Variants in VRK3 observed in about 807,000 individuals in gnomAD.
VRK3 encodes serine/threonine-protein kinase VRK3.
A neutral mutation model predicts 60.4 loss-of-function variants in VRK3; 50 were observed. The observed-to-expected ratio is 0.83, with a 90% CI of 0.66 to 1.05. VRK3 has a LOEUF of 1.05. Ranked by LOEUF, VRK3 falls within the 50% of genes least tolerant of loss-of-function variation. The pLI, the probability that VRK3 is intolerant of heterozygous loss-of-function variation, is 0.00. For missense variants in VRK3, 549 were observed against 585.3 expected (o/e 0.94, Z 0.64); for synonymous variants, 246 against 227.8 (o/e 1.08, Z -0.72).
intron 1 of VRK3, chr19:50,025,037 C>T (rs1485217780): frequency 6.6e-6 from 1 of 152,258 alleles, no homozygotes; most frequent in Non-Finnish European, 1.5e-5. Context: ...GAACTTCCCA[C>T]AAGTTCCGCC....
At chr19:50,024,995 T>TA (rs1229950250) in intron 1 of VRK3, 4 of 152,184 alleles carry the variant, frequency 2.6e-5, no homozygotes, top group African/African-American at 9.7e-5. Context: ...CGGGATGACT[T>TA]AGACGCCAAG....
chr19:49,997,410 C>T (rs1600683094), intron 7 of VRK3, 94 bp downstream of exon 7: 1 of 1,408,732 alleles, frequency 7.1e-7, no homozygotes, highest in Non-Finnish European at 9.8e-7. Flanking sequence ...AATCTAAGCC[C>T]ACCCTTCTCA....
At chr19:49,981,831 C>A (rs957867752) in intron 12 of VRK3, 1 of 1,186,980 alleles carries the variant, frequency 8.4e-7, no homozygotes, top group Non-Finnish European at 1.1e-6. Context: ...GGTCAGGGAG[C>A]TCGTGGCTGT....
At chr19:49,993,809 C>T (rs2076653786) in intron 9 of VRK3, among the ~76,000 whole-genome samples, 1 of 152,132 alleles carries the variant, frequency 6.6e-6, no homozygotes, top group Non-Finnish European at 1.5e-5. Flanking sequence ...CGTTCTCCTC[C>T]TATAGACTCT....
chr19:49,981,040 G>C, intron 12 of VRK3, 27 bp from the exon 13 acceptor site: 1 of 1,608,130 alleles, frequency 6.2e-7, no homozygotes, highest in Non-Finnish European at 8.5e-7. Flanking sequence ...ACATGTGAAA[G>C]GTCTCTTAGG....
chr19:49,980,747 CA>C (rs976399888), intron 13 of VRK3, among the ~76,000 whole-genome samples: 4 of 150,528 alleles, frequency 2.7e-5, no homozygotes, highest in African/African-American at 9.9e-5. Flanking sequence ...ACCCTGTCTT[CA>C]AAAAAAAGTT....
intron 3 of VRK3, among the ~76,000 whole-genome samples, chr19:50,009,758 C>A (rs763332061): frequency 5.0e-4 from 76 of 152,102 alleles, no homozygotes; most frequent in Non-Finnish European, 9.9e-4. Flanking sequence ...CTCAGCCTCC[C>A]AAGTAGCTAG....
At chr19:50,022,024 T>C (rs1192634541) in intron 1 of VRK3, among the ~76,000 whole-genome samples, 1 of 152,144 alleles carries the variant, frequency 6.6e-6, no homozygotes, top group African/African-American at 2.4e-5. Context: ...CTCCACTCTA[T>C]GAGGTAGGGA....
intron 3 of VRK3, among the ~76,000 whole-genome samples, chr19:50,014,845 A>G (rs1265078488): frequency 2.0e-5 from 3 of 152,160 alleles, no homozygotes; most frequent in Non-Finnish European, 4.4e-5. Context: ...CTGTATTCAC[A>G]GGATCTCTCT....
At chr19:49,979,639 C>T (rs898231054) in intron 13 of VRK3, among the ~76,000 whole-genome samples, 1 of 152,198 alleles carries the variant, frequency 6.6e-6, no homozygotes, top group African/African-American at 2.4e-5. Context: ...TTCACCTCCA[C>T]CTCCAACCTC....
At chr19:50,009,132 G>T in intron 4 of VRK3, 104 bp downstream of exon 4, 2 of 1,345,896 alleles carry the variant, frequency 1.5e-6, no homozygotes, top group Non-Finnish European at 2.1e-6. Context: ...AGGCAGGGAT[G>T]GATGATGTTT....
chr19:50,005,625 G>A (rs972857068), intron 5 of VRK3, among the ~76,000 whole-genome samples: 4 of 149,868 alleles, frequency 2.7e-5, no homozygotes, highest in South Asian at 2.1e-4. Flanking sequence ...CTACCCAAAC[G>A]CCCATCAGCT....
At chr19:50,010,625 C>A (rs10422826) in intron 3 of VRK3, among the ~76,000 whole-genome samples, 7,991 of 152,226 alleles carry the variant, frequency 0.052, 692 homozygotes, top group African/African-American at 0.18. Context: ...AGGAACTCTC[C>A]AAGAAGGCTG....
chr19:49,988,539 C>G, intron 11 of VRK3, 47 bp from the exon 12 acceptor site: 1 of 1,599,084 alleles, frequency 6.3e-7, no homozygotes, highest in Non-Finnish European at 8.5e-7. Context: ...GGACGCTCCA[C>G]TCACTGGTGG....
intron 8 of VRK3, 62 bp downstream of exon 8, chr19:49,995,129 G>C: frequency 1.3e-6 from 2 of 1,553,754 alleles, no homozygotes; most frequent in Non-Finnish European, 1.8e-6. Flanking sequence ...GCCATGCCTG[G>C]AGTCACAACA....
chr19:50,023,340 C>A (rs1164881163), intron 1 of VRK3, among the ~76,000 whole-genome samples: 1 of 152,190 alleles, frequency 6.6e-6, no homozygotes, highest in African/African-American at 2.4e-5. Flanking sequence ...TGCGTGTCAC[C>A]ACGCCTGGCT....
At chr19:50,017,002 C>T (rs1285747717) in intron 2 of VRK3, among the ~76,000 whole-genome samples, 2 of 142,292 alleles carry the variant, frequency 1.4e-5, no homozygotes, top group African/African-American at 6.2e-5. Context: ...CCAGTCTGTC[C>T]AACATGGTGA....
chr19:50,018,660 T>A (rs1201618255), intron 2 of VRK3, among the ~76,000 whole-genome samples: 1 of 152,220 alleles, frequency 6.6e-6, no homozygotes, highest in East Asian at 1.9e-4. Flanking sequence ...CCAGACTAAC[T>A]TAGTGATTTG....
chr19:50,000,444 C>T, intron 6 of VRK3: 1 of 348,006 alleles, frequency 2.9e-6, no homozygotes, highest in Non-Finnish European at 5.4e-6. Context: ...TCGATACGAG[C>T]ACGCTGCGAG....
Sources: allele counts gnomAD v4.1 joint callset (sites outside exome capture counted in the v4.1 genomes callset), GRCh38; gene constraint gnomAD v4.1.1; transcripts MANE v1.5; gene names NCBI Gene and HGNC (gene_info 2026-07-23, HGNC 2026-07-21).